Variants in CLTA observed in about 807,000 individuals in gnomAD.
The protein encoded by CLTA is clathrin, light polypeptide (Lca).
In CLTA, 9 loss-of-function variants were observed where a neutral mutation model predicts 26.9. That is an observed-to-expected ratio of 0.33 (90% CI 0.20 to 0.58). The LOEUF (loss-of-function observed/expected upper bound fraction) is 0.58, where lower values mean the gene tolerates loss of function less well. CLTA is among the 20% of genes least tolerant of loss of function. The pLI, the probability that CLTA is intolerant of heterozygous loss-of-function variation, is 0.85. For synonymous variants in CLTA, 120 were observed against 115.5 expected (o/e 1.04, Z -0.25); for missense variants, 278 against 294.2 (o/e 0.94, Z 0.40).
intron 4 of CLTA, among the ~76,000 whole-genome samples, chr9:36,206,101 C>T (rs1343423264): frequency 6.6e-6 from 1 of 152,104 alleles, no homozygotes; most frequent in African/African-American, 2.4e-5. Flanking sequence ...AAGTTTAGTC[C>T]CTCCAGGCAT....
intron 4 of CLTA, among the ~76,000 whole-genome samples, chr9:36,205,513 C>A (rs1031676909): frequency 6.6e-6 from 1 of 152,094 alleles, no homozygotes; most frequent in African/African-American, 2.4e-5. Flanking sequence ...CTGAGAACTC[C>A]CCCAGCCTGC....
Position 36,205,755 on chromosome 9 carries a change from GTT to G in CLTA, c.485+1597_485+1598del, listed in dbSNP as rs746587996. 6.5e-3 allele frequency among the ~76,000 whole-genome samples: 610 copies of G among 93,898 alleles called. 6 individuals are homozygous for G. Among genetic ancestry groups the G allele is most frequent in the African/African-American group, 0.019 (454 of 24,408 alleles). The allele number at this position is 93,898 out of a possible 152,430, so 61.6% of individuals were successfully genotyped here. A position where few individuals can be genotyped will look rare whatever the true frequency, so the allele number is the denominator to read the frequency against. On this transcript the variant is annotated intron_variant, in intron 4 of 4. Transcript: ENST00000345519. ...GTTCTCAGAGGGAGTAATGACACCT[GTT>G]TTTTTTTTTTTTTTTTTTTTGAGAT...
chr9:36,197,158 G>C (rs1042198747), intron 1 of CLTA, among the ~76,000 whole-genome samples: 1 of 152,200 alleles, frequency 6.6e-6, no homozygotes, highest in Non-Finnish European at 1.5e-5. Flanking sequence ...CTGGGCGACA[G>C]AGCAAGACTG....
At chr9:36,210,309 C>T (rs1827968542) in intron 4 of CLTA, among the ~76,000 whole-genome samples, 1 of 152,156 alleles carries the variant, frequency 6.6e-6, no homozygotes, top group South Asian at 2.1e-4. Flanking sequence ...TTGAGATGTT[C>T]ATCCCCTTAG....
intron 3 of CLTA, among the ~76,000 whole-genome samples, chr9:36,200,891 G>A (rs74719141): frequency 0.028 from 4,336 of 152,254 alleles, 218 homozygotes; most frequent in African/African-American, 0.099. Flanking sequence ...GATGAAAATA[G>A]GTCCTAACAG....
At chr9:36,197,656 A>G in intron 2 of CLTA, 68 bp downstream of exon 2, 1 of 1,262,956 alleles carries the variant, frequency 7.9e-7, no homozygotes, top group Non-Finnish European at 1.1e-6. Context: ...ATTTTAATTG[A>G]CTGACCTAGA....
chr9:36,192,523 G>A (rs1481113362), intron 1 of CLTA, among the ~76,000 whole-genome samples: 1 of 152,142 alleles, frequency 6.6e-6, no homozygotes, highest in African/African-American at 2.4e-5. Flanking sequence ...TAATATGCCC[G>A]AATATGCAAC....
At position 36,199,111 on chromosome 9, in the gene CLTA, C is replaced by G. The variant is rs1827247815; in HGVS notation, c.373+15C>G. The G allele has an allele frequency of 6.5e-7, 1 of 1,546,364 alleles. No individual in the cohort carries two copies. The highest frequency in any genetic ancestry group is 1.1e-5 in the South Asian group (1 of 89,716). On this transcript the variant is annotated intron_variant, in intron 3 of 4. Transcript: ENST00000345519. ...GGAAGCCCTTGGTAAGGAATCCCTT[C>G]TGTGTTTTGGTGTCTGTTTTCAGTG...
At chr9:36,203,972 C>T (rs1827573322) in intron 3 of CLTA, 96 bp from the exon 4 acceptor site, 2 of 1,535,972 alleles carry the variant, frequency 1.3e-6, no homozygotes, top group Non-Finnish European at 1.8e-6. Context: ...CATGGACCTG[C>T]ACCCACCACA....
chr9:36,199,055 G>A lies in CLTA; in HGVS notation c.332G>A (p.Arg111His). The A allele has an allele frequency of 5.0e-6, 8 of 1,613,708 alleles. No individual in the cohort carries two copies. Among genetic ancestry groups the A allele is most frequent in the African/African-American group, 1.3e-5 (1 of 75,014 alleles). ...TTGCAGTCAGAGCCTGAAAGTATCC[G>A]TAAATGGAGAGAAGAACAAATGGAA... ...DRLQSEPESIRKWREEQMERL... is the reference protein window; with the variant it reads ...DRLQSEPESIHKWREEQMERL... The change falls in exon 3 of 5, where the codon CGT becomes CAT. Residue 111 changes from arginine to histidine, a missense_variant. Physicochemically the swap from Arg to His is conservative, Grantham distance 29. Transcript: ENST00000345519.
intron 4 of CLTA, among the ~76,000 whole-genome samples, chr9:36,206,919 C>T (rs72731417): frequency 0.027 from 4,019 of 151,652 alleles, 67 homozygotes; most frequent in Non-Finnish European, 0.043. Flanking sequence ...AAAAAGAAAA[C>T]GGGGTGCTCA....
chr9:36,211,446 C>A, intron 4 of CLTA, 157 bp from the exon 5 acceptor site: 3 of 423,646 alleles, frequency 7.1e-6, no homozygotes, highest in Non-Finnish European at 9.5e-6. Flanking sequence ...AGCTACGTGT[C>A]TACCTGAGTC....
chr9:36,202,098 G>A lies in CLTA; in HGVS notation c.374-1970G>A, dbSNP rs540757447. On this transcript the variant is annotated intron_variant, in intron 3 of 4. Coordinates refer to ENST00000345519, the MANE Select transcript of CLTA (RefSeq NM_001833.4). ...TGCAGTACAGCCTGGGCTACAGAGC[G>A]AGACCCTATCTCAAATAAAACAAAA... 1.1e-4 allele frequency among the ~76,000 whole-genome samples: 17 copies of A among 152,238 alleles called. No homozygotes were observed. The South Asian group carries it at 1.7e-3, about 15-fold the overall frequency.
chr9:36,201,933 G>A (rs188668981), intron 3 of CLTA, among the ~76,000 whole-genome samples: 1 of 151,726 alleles, frequency 6.6e-6, no homozygotes, highest in Non-Finnish European at 1.5e-5. Context: ...GCACCATAGT[G>A]AGACCCTATC....
chr9:36,200,837 C>T (rs1452848172), intron 3 of CLTA, among the ~76,000 whole-genome samples: 1 of 152,170 alleles, frequency 6.6e-6, no homozygotes, highest in Non-Finnish European at 1.5e-5. Flanking sequence ...GAAGTAGCCA[C>T]ATGTAGCTAG....
In CLTA at chr9:36,211,636, C is replaced by T. The variant is rs753188510; in HGVS notation, c.519C>T (p.Asp173=). ...AAEEAFVNDI[D]ESSPGTEWER... The stretch of plus-strand genomic sequence containing the variant: ...AAGAAGCCTTTGTAAATGACATTGA[C>T]GAGTCGTCCCCAGGCACTGAGTGGG... Residue 173 remains aspartate (D), a synonymous_variant, in exon 5 of 5, where the codon GAC becomes GAT. Coordinates refer to ENST00000345519, the MANE Select transcript of CLTA (RefSeq NM_001833.4). The T allele has an allele frequency of 5.0e-5, 81 of 1,613,446 alleles. No individual in the cohort carries two copies. Among genetic ancestry groups the T allele is most frequent in the South Asian group, 4.8e-4 (44 of 91,008 alleles).
intron 3 of CLTA, among the ~76,000 whole-genome samples, chr9:36,200,073 TA>T (rs754669109): frequency 3.3e-5 from 5 of 152,210 alleles, no homozygotes; most frequent in Admixed American, 6.5e-5. Flanking sequence ...AAGAGATGTG[TA>T]CGTGGAGTGT....
chr9:36,207,927 A>T (rs565028633), intron 4 of CLTA, among the ~76,000 whole-genome samples: 7 of 152,230 alleles, frequency 4.6e-5, no homozygotes, highest in African/African-American at 1.7e-4. Flanking sequence ...CTGCCCACAA[A>T]CAACTCTGTT....
chr9:36,202,405 C>CA (rs1827469195), intron 3 of CLTA, among the ~76,000 whole-genome samples: 1 of 152,222 alleles, frequency 6.6e-6, no homozygotes, highest in Non-Finnish European at 1.5e-5. Context: ...CTACTGCTAT[C>CA]TACTCTCCTT....
Sources: gnomAD v4.1 joint callset for allele counts (sites outside exome capture counted in the v4.1 genomes callset) on GRCh38, gnomAD v4.1.1 for gene constraint, MANE v1.5 for transcripts, NCBI Gene and HGNC (gene_info 2026-07-23, HGNC 2026-07-21) for gene names.